The following LDLRAD3 variants were observed in gnomAD, a reference collection of about 807,000 sequenced individuals.
LDLRAD3 encodes low-density lipoprotein receptor class A domain-containing protein 3.
Under a neutral mutation model 29.4 loss-of-function variants are expected in LDLRAD3, and 20 were observed. The observed-to-expected ratio is 0.68, with a 90% CI of 0.48 to 0.99. The LOEUF is 0.99. LDLRAD3 is among the 50% of genes least tolerant of loss of function. LDLRAD3 has a pLI of 0.00. For missense variants in LDLRAD3, 420 were observed against 454.3 expected (o/e 0.92, Z 0.69); for synonymous variants, 157 against 192.7 (o/e 0.81, Z 1.53).
At chr11:36,058,615 T>C (rs1340294883) in intron 2 of LDLRAD3, among the ~76,000 whole-genome samples, 3 of 152,210 alleles carry the variant, frequency 2.0e-5, no homozygotes, top group African/African-American at 7.2e-5. Context: ...GAAATCCTTC[T>C]TGAGTCCTCT....
intron 3 of LDLRAD3, among the ~76,000 whole-genome samples, chr11:36,094,584 G>A (rs999059094): frequency 1.3e-5 from 2 of 152,134 alleles, no homozygotes; most frequent in African/African-American, 4.8e-5. Flanking sequence ...CACCCCGGCT[G>A]GAGTGCAGTG....
chr11:36,206,790 G>A (rs994954038), intron 4 of LDLRAD3, among the ~76,000 whole-genome samples: 1 of 148,670 alleles, frequency 6.7e-6, no homozygotes, highest in Non-Finnish European at 1.5e-5. Flanking sequence ...ACAGTAGTGC[G>A]ATCTTGGCTC....
At chr11:36,201,269 G>T (rs959998701) in intron 4 of LDLRAD3, among the ~76,000 whole-genome samples, 3 of 152,218 alleles carry the variant, frequency 2.0e-5, no homozygotes, top group Admixed American at 2.0e-4. Flanking sequence ...CTTTGTTGCT[G>T]TATGGTAGAA....
intron 4 of LDLRAD3, chr11:36,197,248 T>C (rs1295089250): frequency 6.6e-6 from 1 of 152,178 alleles, no homozygotes; most frequent in Non-Finnish European, 1.5e-5. Flanking sequence ...GAGGAGTGAT[T>C]TTGTATTTCC....
chr11:36,165,208 C>A (rs76884738), intron 4 of LDLRAD3, among the ~76,000 whole-genome samples: 17,289 of 152,152 alleles, frequency 0.11, 1,221 homozygotes, highest in Admixed American at 0.2. Context: ...GTTATAAACT[C>A]TTAGTAAGCA....
intron 4 of LDLRAD3, among the ~76,000 whole-genome samples, chr11:36,172,960 ACT>A (rs1854618492): frequency 1.3e-5 from 2 of 152,058 alleles, no homozygotes; most frequent in South Asian, 4.1e-4. Context: ...CCGTGCCTGG[ACT>A]TTTTTGGTTG....
chr11:35,968,762 C>A (rs1851373402), intron 1 of LDLRAD3: 1 of 163,116 alleles, frequency 6.1e-6, no homozygotes, highest in Admixed American at 6.1e-5. Flanking sequence ...AAGAGCTTTA[C>A]AACATAGGCA....
At chr11:35,990,878 A>G (rs917300639) in intron 1 of LDLRAD3, among the ~76,000 whole-genome samples, 6 of 152,164 alleles carry the variant, frequency 3.9e-5, no homozygotes, top group Non-Finnish European at 8.8e-5. Context: ...TCACATTCAG[A>G]GGTATTGGAG....
At chr11:35,947,449 G>A (rs1295232743) in intron 1 of LDLRAD3, among the ~76,000 whole-genome samples, 1 of 151,662 alleles carries the variant, frequency 6.6e-6, no homozygotes, top group Non-Finnish European at 1.5e-5. Context: ...AGCGGAGGTT[G>A]CAATAAGCCA....
intron 1 of LDLRAD3, among the ~76,000 whole-genome samples, chr11:35,959,536 A>G (rs756233723): frequency 3.7e-4 from 56 of 152,232 alleles, no homozygotes; most frequent in Non-Finnish European, 1.6e-4. Context: ...AGCGTAAAAG[A>G]TCTGAGAACA....
intron 4 of LDLRAD3, among the ~76,000 whole-genome samples, chr11:36,185,924 G>C (rs906102508): frequency 4.6e-5 from 7 of 152,176 alleles, no homozygotes; most frequent in Non-Finnish European, 8.8e-5. Context: ...AGAGATGACT[G>C]TATATTTACC....
At chr11:36,147,801 G>T (rs766333061) in intron 4 of LDLRAD3, among the ~76,000 whole-genome samples, 1 of 152,178 alleles carries the variant, frequency 6.6e-6, no homozygotes, top group Non-Finnish European at 1.5e-5. Context: ...ACAAGGGTGA[G>T]CCACCAGCTT....
intron 4 of LDLRAD3, chr11:36,109,870 A>G (rs1044512383): frequency 2.0e-5 from 3 of 152,208 alleles, no homozygotes; most frequent in African/African-American, 4.8e-5. Flanking sequence ...CAAGAGCTTC[A>G]TTAGAGAGTC....
chr11:36,076,696 A>T (rs948255470), intron 2 of LDLRAD3, among the ~76,000 whole-genome samples: 6 of 152,020 alleles, frequency 3.9e-5, no homozygotes, highest in African/African-American at 1.4e-4. Context: ...TAGCCTTCCC[A>T]CTTTCTTTAT....
chr11:36,176,565 A>G (rs1280573009), intron 4 of LDLRAD3, among the ~76,000 whole-genome samples: 1 of 151,606 alleles, frequency 6.6e-6, no homozygotes, highest in Non-Finnish European at 1.5e-5. Context: ...TCTTTCCTTC[A>G]TTTATGGAGC....
intron 1 of LDLRAD3, among the ~76,000 whole-genome samples, chr11:36,028,352 C>A (rs929000119): frequency 4.6e-5 from 7 of 152,178 alleles, no homozygotes; most frequent in Non-Finnish European, 7.3e-5. Flanking sequence ...GTGTTGGGAG[C>A]AGCCAGTCAA....
chr11:36,037,644 A>G (rs191638142), intron 2 of LDLRAD3, among the ~76,000 whole-genome samples: 2 of 152,234 alleles, frequency 1.3e-5, no homozygotes, highest in East Asian at 3.9e-4. Context: ...ATTTCTGACC[A>G]GAATTTGGGG....
intron 1 of LDLRAD3, among the ~76,000 whole-genome samples, chr11:35,980,360 A>G (rs1451069073): frequency 1.3e-5 from 2 of 152,108 alleles, no homozygotes; most frequent in African/African-American, 4.8e-5. Flanking sequence ...GGCTCCTGTT[A>G]GGGAACCGAT....
At chr11:36,155,597 T>C (rs1854336438) in intron 4 of LDLRAD3, among the ~76,000 whole-genome samples, 1 of 152,182 alleles carries the variant, frequency 6.6e-6, no homozygotes, top group Non-Finnish European at 1.5e-5. Context: ...TTTCTTCCTC[T>C]GTAAAATAAG....
Sources: gnomAD v4.1 joint callset for allele counts (sites outside exome capture counted in the v4.1 genomes callset) on GRCh38, gnomAD v4.1.1 for gene constraint, MANE v1.5 for transcripts, NCBI Gene and HGNC (gene_info 2026-07-23, HGNC 2026-07-21) for gene names.